Variants in GFRA1 observed in about 807,000 individuals in gnomAD.
GFRA1 encodes the protein GDNF family receptor alpha-1.
GFRA1 carries 16 observed loss-of-function variants against 51.6 expected under a neutral mutation model. That is an observed-to-expected ratio of 0.31 (90% CI 0.21 to 0.47). GFRA1 has a LOEUF of 0.47. GFRA1 is among the 20% of genes least tolerant of loss of function. The pLI, the probability that GFRA1 is intolerant of heterozygous loss-of-function variation, is 1.00. For missense variants in GFRA1, 530 were observed against 594.3 expected, an observed-to-expected ratio of 0.89 and a Z score of 1.13; for synonymous variants, 270 against 241.3, an observed-to-expected ratio of 1.12 and a Z score of -1.10.
chr10:116,262,465 T>C (rs977968171), intron 4 of GFRA1, among the ~76,000 whole-genome samples: 5 of 149,508 alleles, frequency 3.3e-5, no homozygotes, highest in African/African-American at 9.9e-5. Context: ...AAGCAGGTAA[T>C]CAGAGAGTAG....
chr10:116,197,722 A>T (rs1355721594), intron 5 of GFRA1, among the ~76,000 whole-genome samples: 1 of 152,206 alleles, frequency 6.6e-6, no homozygotes, highest in Non-Finnish European at 1.5e-5. Flanking sequence ...AAAGAAATTA[A>T]ACAGGGACAT....
chr10:116,109,567 C>T (rs1957124945), intron 6 of GFRA1, among the ~76,000 whole-genome samples: 1 of 152,208 alleles, frequency 6.6e-6, no homozygotes, highest in South Asian at 2.1e-4. Flanking sequence ...CACCCCTTCC[C>T]CGGGCTGTGT....
intron 3 of GFRA1, among the ~76,000 whole-genome samples, chr10:116,269,889 C>T (rs905035494): frequency 2.6e-5 from 4 of 152,100 alleles, no homozygotes; most frequent in African/African-American, 9.7e-5. Context: ...CCGGTGACGT[C>T]ACGAGCCCTG....
At chr10:116,184,498 C>T (rs1299180954) in intron 5 of GFRA1, among the ~76,000 whole-genome samples, 3 of 152,236 alleles carry the variant, frequency 2.0e-5, no homozygotes, top group Non-Finnish European at 1.5e-5. Flanking sequence ...CTTCATGAGG[C>T]CTGGCAGGGA....
At chr10:116,070,358 TCTG>T (rs1456979188) in intron 9 of GFRA1, among the ~76,000 whole-genome samples, 1 of 152,222 alleles carries the variant, frequency 6.6e-6, no homozygotes, top group African/African-American at 2.4e-5. Flanking sequence ...ACAAGTCTCT[TCTG>T]CAGCACAAAC....
chr10:116,228,979 T>TTAAA (rs1966502699), intron 4 of GFRA1, among the ~76,000 whole-genome samples: 1 of 19,476 alleles, frequency 5.1e-5, no homozygotes, highest in Non-Finnish European at 1.1e-4. Context: ...ATACTCCATC[T>TTAAA]CAAAAAAAAA....
chr10:116,115,958 TTGAACAAGGTGGTC>T (rs1468421688), intron 6 of GFRA1, among the ~76,000 whole-genome samples: 11 of 152,038 alleles, frequency 7.2e-5, no homozygotes, highest in Admixed American at 7.2e-4. Context: ...CCACCTGCAG[TTGAACAAGGTGGTC>T]TGAAGTCCAG....
chr10:116,204,075 G>A lies in GFRA1; in HGVS notation c.433+7556C>T, dbSNP rs368739094. On this transcript the variant is annotated intron_variant, in intron 5 of 10. Coordinates refer to ENST00000355422, the MANE Select transcript of GFRA1 (RefSeq NM_005264.8). ...GCAGTCATGTCTGGCCTTGGAAAGT[G>A]TCAAGGATCTGTGACTCTGTCCCAC... 1.2e-4 allele frequency among the ~76,000 whole-genome samples: 18 copies of A among 152,352 alleles called. No individual in the cohort carries two copies. The South Asian group carries it at 3.5e-3, about 30-fold the overall frequency.
chr10:116,199,713 AT>A (rs572470416), intron 5 of GFRA1, among the ~76,000 whole-genome samples: 3 of 151,938 alleles, frequency 2.0e-5, no homozygotes, highest in Non-Finnish European at 4.4e-5. Flanking sequence ...TATTTGTTTC[AT>A]TTTTTTTCCT....
intron 5 of GFRA1, among the ~76,000 whole-genome samples, chr10:116,186,914 G>GC (rs141135824): frequency 0.014 from 2,099 of 152,232 alleles, 56 homozygotes; most frequent in African/African-American, 0.048. Context: ...TCAAGCTAGT[G>GC]CCCCTCCATG....
chr10:116,204,287 C>CA (rs1964559457), intron 5 of GFRA1, among the ~76,000 whole-genome samples: 1 of 152,192 alleles, frequency 6.6e-6, no homozygotes, highest in African/African-American at 2.4e-5. Context: ...AAGAGGAGCT[C>CA]ATGCTTAATT....
intron 5 of GFRA1, among the ~76,000 whole-genome samples, chr10:116,153,894 A>G (rs1959150895): frequency 6.6e-6 from 1 of 152,232 alleles, no homozygotes; most frequent in African/African-American, 2.4e-5. Context: ...TCAATCAGAA[A>G]AAGACAAGCA....
rs1411394979 is a variant in GFRA1, at chr10:116,057,652, C to T, written c.*6746G>A. On this transcript the variant is annotated 3_prime_UTR_variant, in exon 11 of 11. Transcript: ENST00000355422. ...AAACTCTGCAGTGAAAAGTGTTTCC[C>T]CCACTCCCTTGGGCGAGGGAAGGGA... 1 of 152,018 alleles carries T rather than the reference C, an allele frequency of 6.6e-6. No individual in the cohort carries two copies. Among genetic ancestry groups the T allele is most frequent in the East Asian group, 1.9e-4 (1 of 5,178 alleles). The allele number at this position is 152,018 out of a possible 1,614,324, so 9.4% of individuals were successfully genotyped here.
At chr10:116,066,288 G>C (rs1207783568) in intron 9 of GFRA1, among the ~76,000 whole-genome samples, 1 of 152,144 alleles carries the variant, frequency 6.6e-6, no homozygotes, top group Non-Finnish European at 1.5e-5. Flanking sequence ...TCACTGTTTA[G>C]GATCACATAG....
At chr10:116,233,094 A>C (rs1213936402) in intron 4 of GFRA1, among the ~76,000 whole-genome samples, 1 of 152,178 alleles carries the variant, frequency 6.6e-6, no homozygotes, top group East Asian at 1.9e-4. Context: ...TAGGAGGCCG[A>C]GGCAGGCAGA....
At chr10:116,193,319 G>A (rs541367468) in intron 5 of GFRA1, among the ~76,000 whole-genome samples, 2 of 152,222 alleles carry the variant, frequency 1.3e-5, no homozygotes, top group South Asian at 2.1e-4. Flanking sequence ...AACAGAAAGC[G>A]TTTTTAAGAC....
intron 5 of GFRA1, among the ~76,000 whole-genome samples, chr10:116,126,308 T>C (rs1161187095): frequency 6.6e-6 from 1 of 152,250 alleles, no homozygotes; most frequent in African/African-American, 2.4e-5. Flanking sequence ...ACAGAGCATA[T>C]GCTGCCTTCT....
At chr10:116,204,919 G>C (rs999453097) in intron 5 of GFRA1, among the ~76,000 whole-genome samples, 6 of 152,088 alleles carry the variant, frequency 3.9e-5, no homozygotes, top group African/African-American at 1.4e-4. Context: ...GTATAGTATG[G>C]AAAGGAGGAG....
intron 9 of GFRA1, among the ~76,000 whole-genome samples, chr10:116,082,325 C>G (rs1301799157): frequency 6.6e-6 from 1 of 152,118 alleles, no homozygotes; most frequent in Non-Finnish European, 1.5e-5. Context: ...AAGACCTAGT[C>G]CTTTTATTGC....
Sources: allele counts gnomAD v4.1 joint callset (sites outside exome capture counted in the v4.1 genomes callset), GRCh38; gene constraint gnomAD v4.1.1; transcripts MANE v1.5; gene names NCBI Gene and HGNC (gene_info 2026-07-23, HGNC 2026-07-21).